Variants in CA2 observed in about 807,000 individuals in gnomAD.
CA2 encodes the protein carbonic anhydrase 2.
CA2 carries 23 observed loss-of-function variants against 27.8 expected under a neutral mutation model. The ratio of observed to expected loss-of-function variants is 0.83; its 90% CI spans 0.59 to 1.17. The LOEUF is 1.17. CA2 is among the 50% of genes most tolerant of loss of function. The pLI is 0.00. For synonymous variants in CA2, 99 were observed against 114.9 expected (o/e 0.86, Z 0.88); for missense variants, 300 against 314.7 (o/e 0.95, Z 0.35).
Position 85,477,166 on chromosome 8 carries a change from C to A in CA2, c.554C>A (p.Pro185His). ...AACTTCGATCCTCGTGGCCTCCTTC[C>A]TGAATCCTTGGATTACTGGACCTAC... ...FTNFDPRGLL[P>H]ESLDYWTYPG... The change falls in exon 6 of 7, where the codon CCT (proline) becomes CAT (histidine). Residue 185 changes from proline (P) to histidine (H), a missense_variant. By Grantham distance (77) the Pro-to-His change is moderately conservative. Transcript: ENST00000285379. 6.2e-7 allele frequency: 1 copy of A among 1,614,064 alleles called. No individual in the cohort carries two copies. The highest frequency in any genetic ancestry group is 8.5e-7 in the Non-Finnish European group (1 of 1,179,984).
At chr8:85,471,044 G>A (rs1811707316) in intron 2 of CA2, among the ~76,000 whole-genome samples, 3 of 152,056 alleles carry the variant, frequency 2.0e-5, no homozygotes, top group African/African-American at 7.2e-5. Context: ...ATGGCATGTA[G>A]TCATTTAAAT....
In CA2 at chr8:85,471,579, G is replaced by T. The variant is rs181732666; in HGVS notation, c.233-2114G>T. On this transcript the variant is annotated intron_variant, in intron 2 of 6. Transcript: ENST00000285379. ...TCCTGCTATGATTCTTCACTGGGGGGAAAGAAGATACATTTAGAAAATTGG... is the reference window on the plus strand; with the variant it reads ...TCCTGCTATGATTCTTCACTGGGGGTAAAGAAGATACATTTAGAAAATTGG... Among the ~76,000 whole-genome samples, 80 of 152,152 alleles carry T rather than the reference G, an allele frequency of 5.3e-4. 1 individual carries two copies. Among genetic ancestry groups the T allele is most frequent in the African/African-American group, 1.7e-3 (70 of 41,552 alleles).
intron 6 of CA2, among the ~76,000 whole-genome samples, chr8:85,480,212 G>C (rs1239246809): frequency 6.6e-6 from 1 of 152,086 alleles, no homozygotes; most frequent in Non-Finnish European, 1.5e-5. Context: ...CTGAATTTTG[G>C]CCATTGATGC....
At chr8:85,465,757 G>T (rs945733056) in intron 2 of CA2, among the ~76,000 whole-genome samples, 1 of 152,084 alleles carries the variant, frequency 6.6e-6, no homozygotes, top group African/African-American at 2.4e-5. Context: ...AAGTCCCCTC[G>T]CAATAAAGAT....
chr8:85,477,900 C>T (rs569669421), intron 6 of CA2, among the ~76,000 whole-genome samples: 4 of 152,142 alleles, frequency 2.6e-5, no homozygotes, highest in African/African-American at 7.2e-5. Context: ...TACCTCTTAG[C>T]GCACAGTTGA....
Position 85,474,505 on chromosome 8 carries a change from A to G in CA2, c.444+89A>G, listed in dbSNP as rs1811761436. On this transcript the variant is annotated intron_variant, in intron 4 of 6. Coordinates refer to ENST00000285379, the MANE Select transcript of CA2 (RefSeq NM_000067.3). ...TTGTAACATACAGGACATTCTACAA[A>G]AGAGCTTAGGAAATGCCTTTGTCCC... The G allele has an allele frequency of 5.0e-6, 5 of 1,001,318 alleles. No individual in the cohort carries two copies. The African/African-American group carries it at 6.3e-5, about 13-fold the overall frequency. 62.0% of individuals were successfully genotyped at this position (1,001,318 alleles called of 1,614,324 possible).
At chr8:85,480,494 T>C (rs1427076115) in intron 6 of CA2, among the ~76,000 whole-genome samples, 176 bp from the exon 7 acceptor site, 1 of 151,636 alleles carries the variant, frequency 6.6e-6, no homozygotes, top group Non-Finnish European at 1.5e-5. Context: ...CAGGCTGGTC[T>C]CGAATTGCTG....
intron 4 of CA2, 34 bp downstream of exon 4, chr8:85,474,450 T>A (rs770778603): frequency 1.4e-6 from 2 of 1,433,796 alleles, no homozygotes; most frequent in South Asian, 1.1e-5. Context: ...TTTTTCCCTA[T>A]TTTTAATAAA....
chr8:85,476,437 C>A (rs1811799421), intron 5 of CA2, among the ~76,000 whole-genome samples: 1 of 152,188 alleles, frequency 6.6e-6, no homozygotes, highest in African/African-American at 2.4e-5. Context: ...TAAAGCTGAT[C>A]TTCACATTGA....
intron 2 of CA2, among the ~76,000 whole-genome samples, chr8:85,467,639 G>A (rs1275771906): frequency 6.6e-6 from 1 of 152,148 alleles, no homozygotes; most frequent in Non-Finnish European, 1.5e-5. Flanking sequence ...ATTTTCTGAA[G>A]CATACTGTTT....
chr8:85,465,207 C>T (rs1193376587), intron 1 of CA2, 65 bp from the exon 2 acceptor site: 5 of 1,335,270 alleles, frequency 3.7e-6, no homozygotes, highest in Non-Finnish European at 5.4e-6. Context: ...AATGATTGCT[C>T]TTCTCTAGGG....
intron 5 of CA2, 103 bp from the exon 6 acceptor site, chr8:85,477,017 T>C: frequency 9.1e-7 from 1 of 1,098,268 alleles, no homozygotes; most frequent in East Asian, 2.4e-5. Context: ...AAAGTGTTTT[T>C]GACCATCAGA....
At chr8:85,466,675 T>TACAC (rs201796713) in intron 2 of CA2, among the ~76,000 whole-genome samples, 17 of 69,760 alleles carry the variant, frequency 2.4e-4, no homozygotes, top group East Asian at 2.3e-3. Context: ...CATACATACA[T>TACAC]ACATACACAC....
intron 1 of CA2, 81 bp from the exon 2 acceptor site, chr8:85,465,191 C>A: frequency 1.7e-6 from 2 of 1,174,164 alleles, no homozygotes; most frequent in Non-Finnish European, 2.5e-6. Flanking sequence ...AGCAGATTGG[C>A]TCCGGAATGA....
chr8:85,477,270 G>A lies in CA2; in HGVS notation c.658G>A (p.Glu220Lys), dbSNP rs555992309. ...VLKEPISVSS[E>K]QVLKFRKLNF... is the part of the protein sequence containing the mutation. ...CAAGGAACCCATCAGCGTCAGCAGC[G>A]AGCAGGTTTGTTTTGTAATGACAGG... Residue 220 changes from glutamate to lysine, a missense_variant, in exon 6 of 7, where the codon GAG becomes AAG. By Grantham distance (56) the Glu-to-Lys change is moderately conservative (BLOSUM62 1). Transcript: ENST00000285379. 20 of 1,614,028 alleles carry A rather than the reference G, an allele frequency of 1.2e-5. No individual in the cohort carries two copies. Among genetic ancestry groups the A allele is most frequent in the South Asian group, 1.2e-4 (11 of 91,064 alleles).
intron 6 of CA2, among the ~76,000 whole-genome samples, chr8:85,480,392 G>A (rs898694516): frequency 6.6e-6 from 1 of 151,682 alleles, no homozygotes; most frequent in Non-Finnish European, 1.5e-5. Flanking sequence ...CTGAGTAGCT[G>A]AGATTACAGG....
chr8:85,465,243 G>T (rs750466575), intron 1 of CA2, 29 bp from the exon 2 acceptor site: 2 of 1,570,854 alleles, frequency 1.3e-6, no homozygotes, highest in Non-Finnish European at 1.8e-6. Flanking sequence ...TCCCCACAAT[G>T]GGGGATTCAC....
intron 6 of CA2, among the ~76,000 whole-genome samples, chr8:85,479,122 G>T (rs1225672323): frequency 6.6e-6 from 1 of 152,140 alleles, no homozygotes; most frequent in African/African-American, 2.4e-5. Context: ...GGGGGGCGTG[G>T]ATTTTAGGTA....
At chr8:85,468,947 G>A (rs1811672786) in intron 2 of CA2, among the ~76,000 whole-genome samples, 1 of 151,914 alleles carries the variant, frequency 6.6e-6, no homozygotes. Flanking sequence ...AAGCTGAAGA[G>A]TTTAAATAAC....
Sources: allele counts gnomAD v4.1 joint callset (sites outside exome capture counted in the v4.1 genomes callset), GRCh38; gene constraint gnomAD v4.1.1; transcripts MANE v1.5; gene names NCBI Gene and HGNC (gene_info 2026-07-23, HGNC 2026-07-21).